MAPKBP1: variants seen among roughly 807,000 people sequenced by gnomAD.
MAPKBP1 encodes the protein mitogen-activated protein kinase-binding protein 1.
MAPKBP1 carries 71 observed loss-of-function variants against 170.5 expected under a neutral mutation model. The ratio of observed to expected loss-of-function variants is 0.42; its 90% CI spans 0.34 to 0.51. The LOEUF (loss-of-function observed/expected upper bound fraction) is 0.51. Among genes scored for constraint, MAPKBP1 ranks in the 20% least tolerant of loss-of-function variants. The pLI is 0.06. For missense variants in MAPKBP1, 1,598 were observed against 1,933.0 expected (o/e 0.83, Z 3.25); for synonymous variants, 719 against 757.9 (o/e 0.95, Z 0.84).
Position 41,827,768 on chromosome 15 carries a change from C to T in MAPKBP1, c.*2332C>T, listed in dbSNP as rs934742296. On this transcript the variant is annotated 3_prime_UTR_variant, in exon 31 of 31. Coordinates refer to ENST00000457542, the MANE Select transcript of MAPKBP1 (RefSeq NM_014994.3). Reference sequence around the variant, plus strand: ...CAGGTCGCGGCGCTTCCTGCCTCATCCTCGGCTGCATGGGGCGGGGGCGCT... The same window carrying T: ...CAGGTCGCGGCGCTTCCTGCCTCATTCTCGGCTGCATGGGGCGGGGGCGCT... 8.7e-5 allele frequency: 20 copies of T among 230,442 alleles called. No individual in the cohort carries two copies. The highest frequency in any genetic ancestry group is 4.3e-4 in the African/African-American group (19 of 43,794). 14.3% of individuals were successfully genotyped at this position (230,442 alleles called of 1,614,324 possible).
intron 2 of MAPKBP1, among the ~76,000 whole-genome samples, chr15:41,789,486 G>A (rs1300482064): frequency 1.3e-5 from 2 of 152,088 alleles, no homozygotes; most frequent in African/African-American, 2.4e-5. Flanking sequence ...ATATAACTGG[G>A]TCCTTCATTC....
chr15:41,774,561 G>C lies in MAPKBP1; in HGVS notation c.-159G>C. ...CGCGGCGGAGCTGAAATTGCCGAAC[G>C]CGATGCCCGAGGGCGCTGTGAGCGG... is the stretch of plus-strand genomic sequence containing the variant. On this transcript the variant is annotated 5_prime_UTR_variant, in exon 1 of 31. Transcript: ENST00000457542. The C allele has an allele frequency of 2.5e-6, 1 of 398,680 alleles. No individual in the cohort carries two copies. Among genetic ancestry groups the C allele is most frequent in the Non-Finnish European group, 4.4e-6 (1 of 226,094 alleles). 24.7% of individuals were successfully genotyped at this position (398,680 alleles called of 1,614,324 possible).
At position 41,815,315 on chromosome 15, in the gene MAPKBP1, T is replaced by C. The variant is rs751536100; in HGVS notation, c.1227T>C (p.Ile409=). 9.3e-6 allele frequency: 15 copies of C among 1,614,084 alleles called. No homozygotes were observed. Among genetic ancestry groups the C allele is most frequent in the Admixed American group, 8.3e-5 (5 of 60,006 alleles). Residue 409 remains isoleucine, a synonymous_variant, in exon 11 of 31, where the codon ATT becomes ATC. Transcript: ENST00000457542. ...NQACLPPSSF[I]TCSSDNTIRL... ...CCTGCCTGCCCCCCAGTTCCTTTAT[T>C]ACCTGCTCCTCAGACAACACCATCC... is the stretch of plus-strand genomic sequence containing the variant.
chr15:41,809,240 G>C (rs1322551437), intron 3 of MAPKBP1, among the ~76,000 whole-genome samples: 1 of 151,684 alleles, frequency 6.6e-6, no homozygotes, highest in East Asian at 1.9e-4. Flanking sequence ...AAGGAAACAG[G>C]AACAAGGAAA....
chr15:41,821,493 T>TAC (rs2064994493), intron 23 of MAPKBP1, 91 bp from the exon 24 acceptor site: 1 of 1,218,722 alleles, frequency 8.2e-7, no homozygotes, highest in African/African-American at 1.5e-5. Flanking sequence ...AAGGGGAGGG[T>TAC]TGGCCCCCAG....
In MAPKBP1 at chr15:41,825,657, C is replaced by T. The variant is rs1227630250; in HGVS notation, c.*221C>T. Reference sequence around the variant, plus strand: ...CCTTGGAACTCCTGCCTCCACAGCCCCTCCAGTGGCAGGGACAGGTCTTGG... The same window carrying T: ...CCTTGGAACTCCTGCCTCCACAGCCTCTCCAGTGGCAGGGACAGGTCTTGG... On this transcript the variant is annotated 3_prime_UTR_variant, in exon 31 of 31. Transcript: ENST00000457542. The T allele has an allele frequency of 1.0e-5, 5 of 501,394 alleles. No homozygotes were observed. The highest frequency in any genetic ancestry group is 5.2e-4 in the Middle Eastern group (1 of 1,906). The allele number at this position is 501,394 out of a possible 1,614,324, so 31.1% of individuals were successfully genotyped here. A position where few individuals can be genotyped will look rare whatever the true frequency, so the allele number is the denominator to read the frequency against.
intron 2 of MAPKBP1, among the ~76,000 whole-genome samples, chr15:41,782,259 C>CAA (rs10629541): frequency 0.51 from 59,425 of 117,082 alleles, 15,376 homozygotes; most frequent in East Asian, 0.78. Context: ...GGCTCTGTCT[C>CAA]AAAAAAAAAA....
In MAPKBP1 at chr15:41,821,523, C is replaced by CG. The variant is rs2064995380; in HGVS notation, c.2719-61_2719-60insG. ...CCCCAGGATACTCAGGGCTTACCCCCCAGCTACCACTGCCTCATCTGTCAC... is the reference window on the plus strand; with the variant it reads ...CCCCAGGATACTCAGGGCTTACCCCCGCAGCTACCACTGCCTCATCTGTCAC... On this transcript the variant is annotated intron_variant, in intron 23 of 30. Coordinates refer to ENST00000457542, the MANE Select transcript of MAPKBP1 (RefSeq NM_014994.3). 25 of 1,550,556 alleles carry CG rather than the reference C, an allele frequency of 1.6e-5. No individual in the cohort carries two copies. In the South Asian group the frequency reaches 2.1e-4, roughly 13 times the overall value.
At chr15:41,796,532 A>G (rs1401997830) in intron 2 of MAPKBP1, among the ~76,000 whole-genome samples, 1 of 152,216 alleles carries the variant, frequency 6.6e-6, no homozygotes, top group East Asian at 1.9e-4. Flanking sequence ...AGAACATAAA[A>G]TAAAAACCAG....
chr15:41,803,574 G>A (rs1224589293), intron 3 of MAPKBP1, among the ~76,000 whole-genome samples: 1 of 151,928 alleles, frequency 6.6e-6, no homozygotes, highest in Non-Finnish European at 1.5e-5. Flanking sequence ...AATTAGCTGG[G>A]TATGGTGGCA....
intron 2 of MAPKBP1, among the ~76,000 whole-genome samples, chr15:41,780,547 T>C (rs1275253382): frequency 6.6e-6 from 1 of 152,216 alleles, no homozygotes; most frequent in Non-Finnish European, 1.5e-5. Flanking sequence ...GCTACAGTGT[T>C]TTCAGAAGGA....
At chr15:41,801,238 A>C (rs2064588069) in intron 3 of MAPKBP1, among the ~76,000 whole-genome samples, 1 of 152,188 alleles carries the variant, frequency 6.6e-6, no homozygotes, top group African/African-American at 2.4e-5. Context: ...GCCATAGAAG[A>C]GAAGTAGGGG....
intron 3 of MAPKBP1, among the ~76,000 whole-genome samples, chr15:41,803,604 A>G (rs145574620): frequency 2.6e-4 from 39 of 151,942 alleles, no homozygotes; most frequent in Non-Finnish European, 4.7e-4. Flanking sequence ...AGTCCTAGCA[A>G]CTGGGGAGGC....
intron 8 of MAPKBP1, 48 bp downstream of exon 8, chr15:41,813,149 A>C (rs1485719195): frequency 6.4e-7 from 1 of 1,566,138 alleles, no homozygotes; most frequent in African/African-American, 1.4e-5. Flanking sequence ...GTCTCAGCTC[A>C]GGGGAGAACT....
At position 41,823,542 on chromosome 15, in the gene MAPKBP1, G is replaced by T; in HGVS notation, c.3694G>T (p.Asp1232Tyr). 6.2e-7 allele frequency: 1 copy of T among 1,614,170 alleles called. No homozygotes were observed. The highest frequency in any genetic ancestry group is 8.5e-7 in the Non-Finnish European group (1 of 1,180,022). ...QDGLGSLPPA[D>Y]GRPSRPHSYQ... ...TGGTCTGGGCTCCCTGCCCCCAGCT[G>T]ATGGCCGTCCGTCTCGGCCTCACTC... Residue 1232 changes from aspartate to tyrosine, a missense_variant, in exon 29 of 31, where the codon GAT becomes TAT. Asp to Tyr is a radical substitution (Grantham distance 160, BLOSUM62 -3). Transcript: ENST00000457542.
chr15:41,813,367 T>G, intron 8 of MAPKBP1: 3 of 1,523,894 alleles, frequency 2.0e-6, no homozygotes, highest in South Asian at 2.2e-5. Flanking sequence ...GCCTGCACCT[T>G]CCTCTCTTTC....
chr15:41,811,992 G>A lies in MAPKBP1; in HGVS notation c.363G>A (p.Val121=), dbSNP rs1458805778. The change falls in exon 6 of 31, where the codon GTG becomes GTA. Residue 121 remains valine, a synonymous_variant. Coordinates refer to ENST00000457542, the MANE Select transcript of MAPKBP1 (RefSeq NM_014994.3). The part of the protein sequence containing the change: ...GHMPAVRVWD[V]AEHSQVAELQ... ...TGCCTGCCGTGCGGGTTTGGGACGT[G>A]GCAGAGCACAGCCAGGTGGCCGAGC... is the stretch of plus-strand genomic sequence containing the variant. The A allele has an allele frequency of 8.7e-6, 14 of 1,613,962 alleles. No homozygotes were observed. The highest frequency in any genetic ancestry group is 1.3e-5 in the African/African-American group (1 of 74,886).
intron 28 of MAPKBP1, 40 bp downstream of exon 28, chr15:41,823,262 T>TGCAGGTAC: frequency 6.3e-7 from 1 of 1,596,870 alleles, no homozygotes; most frequent in Non-Finnish European, 8.5e-7. Context: ...GTGCAGGGTG[T>TGCAGGTAC]ATGGAACACA....
At position 41,825,192 on chromosome 15, in the gene MAPKBP1, T is replaced by TG; in HGVS notation, c.4300-12dup. ...TTGACAGGCTCCTCCACCTCACTTC[T>TG]GGGGGTGCTATTTCAGGTGGCTGGC... On this transcript the variant is annotated splice_polypyrimidine_tract_variant and intron_variant, in intron 30 of 30. Coordinates refer to ENST00000457542, the MANE Select transcript of MAPKBP1 (RefSeq NM_014994.3). The TG allele has an allele frequency of 6.4e-7, 1 of 1,568,650 alleles. No homozygotes were observed. The highest frequency in any genetic ancestry group is 1.8e-5 in the Admixed American group (1 of 57,060).
Sources: gnomAD v4.1 joint callset for allele counts (sites outside exome capture counted in the v4.1 genomes callset) on GRCh38, gnomAD v4.1.1 for gene constraint, MANE v1.5 for transcripts, NCBI Gene and HGNC (gene_info 2026-07-23, HGNC 2026-07-21) for gene names.